The following SYNDIG1 variants were observed in gnomAD, a reference collection of about 807,000 sequenced individuals.
The protein encoded by SYNDIG1 is synapse differentiation inducing 1.
Under a neutral mutation model 19.4 loss-of-function variants are expected in SYNDIG1, and 9 were observed. That is an observed-to-expected ratio of 0.46 (90% CI 0.28 to 0.81). The LOEUF is 0.81. SYNDIG1 is among the 30% of genes least tolerant of loss of function. The pLI is 0.12. For missense variants in SYNDIG1, 311 were observed against 343.3 expected (o/e 0.91, Z 0.74); for synonymous variants, 141 against 145.9 (o/e 0.97, Z 0.24).
At chr20:24,663,287 G>T (rs772183778) in intron 3 of SYNDIG1, among the ~76,000 whole-genome samples, 4 of 152,142 alleles carry the variant, frequency 2.6e-5, no homozygotes, top group Non-Finnish European at 5.9e-5. Flanking sequence ...TAGGTTTCTT[G>T]TTAGAGCCAA....
intron 1 of SYNDIG1, among the ~76,000 whole-genome samples, chr20:24,486,576 G>A (rs983221350): frequency 1.3e-5 from 2 of 152,128 alleles, no homozygotes; most frequent in Admixed American, 6.5e-5. Flanking sequence ...GCAGGCATGC[G>A]AGCTCTGGTC....
chr20:24,498,690 G>A (rs1343344651), intron 1 of SYNDIG1, among the ~76,000 whole-genome samples: 1 of 152,176 alleles, frequency 6.6e-6, no homozygotes, highest in Non-Finnish European at 1.5e-5. Context: ...CTTGTGTGTA[G>A]CTGTGTTCAC....
rs974613504 is a variant in SYNDIG1, at chr20:24,480,991, G to C, written c.-79+11238G>C. ...TGGGGAAGAGGAGATGGGAGTTATT[G>C]TTTAAAGGGTATAGAGTTGCATACG... On this transcript the variant is annotated intron_variant, in intron 1 of 3. Coordinates refer to ENST00000376862, the MANE Select transcript of SYNDIG1 (RefSeq NM_024893.3). 2.0e-5 allele frequency among the ~76,000 whole-genome samples: 3 copies of C among 152,160 alleles called. No individual in the cohort carries two copies. The East Asian group carries it at 5.8e-4, about 29-fold the overall frequency.
chr20:24,576,456 C>A lies in SYNDIG1; in HGVS notation c.481-8400C>A, dbSNP rs1426876172. ...GCGTTTCTGCTGTACCTGCTTTGGG[C>A]TGTTGCGATGTGTGATGGAAGACAG... On this transcript the variant is annotated intron_variant, in intron 2 of 3. Coordinates refer to ENST00000376862, the MANE Select transcript of SYNDIG1 (RefSeq NM_024893.3). Among the ~76,000 whole-genome samples the A allele has an allele frequency of 2.0e-5, 3 of 152,164 alleles. No homozygotes were observed. In the South Asian group the frequency reaches 6.2e-4, roughly 31 times the overall value.
intron 3 of SYNDIG1, among the ~76,000 whole-genome samples, chr20:24,627,626 C>T (rs2059170715): frequency 6.6e-6 from 1 of 152,276 alleles, no homozygotes; most frequent in Admixed American, 6.5e-5. Flanking sequence ...TGAAGCCTTC[C>T]CCGGTTCCCG....
intron 1 of SYNDIG1, among the ~76,000 whole-genome samples, chr20:24,477,676 G>T (rs1229260908): frequency 6.6e-6 from 1 of 152,206 alleles, no homozygotes; most frequent in Non-Finnish European, 1.5e-5. Context: ...AGGGGATGGG[G>T]TATACAGCAC....
At chr20:24,657,087 G>C (rs978860267) in intron 3 of SYNDIG1, among the ~76,000 whole-genome samples, 2 of 152,216 alleles carry the variant, frequency 1.3e-5, no homozygotes, top group African/African-American at 4.8e-5. Context: ...AAGCCGAGTA[G>C]ATGCTGGCGC....
chr20:24,578,715 C>T (rs1353784401), intron 2 of SYNDIG1, among the ~76,000 whole-genome samples: 1 of 152,198 alleles, frequency 6.6e-6, no homozygotes, highest in Non-Finnish European at 1.5e-5. Context: ...AGGCAGGGCA[C>T]ACACGCATGT....
At chr20:24,659,389 C>T (rs188946133) in intron 3 of SYNDIG1, among the ~76,000 whole-genome samples, 4 of 152,322 alleles carry the variant, frequency 2.6e-5, no homozygotes, top group East Asian at 3.9e-4. Context: ...TCCTCATCAT[C>T]GTGTGGTCAT....
At chr20:24,555,564 G>C (rs1010865186) in intron 2 of SYNDIG1, among the ~76,000 whole-genome samples, 25 of 152,012 alleles carry the variant, frequency 1.6e-4, no homozygotes, top group South Asian at 6.2e-4. Flanking sequence ...CATTATGTAC[G>C]CAGTAGTCAT....
intron 3 of SYNDIG1, among the ~76,000 whole-genome samples, chr20:24,654,007 G>A (rs536346316): frequency 7.2e-5 from 11 of 152,298 alleles, no homozygotes; most frequent in Admixed American, 3.3e-4. Flanking sequence ...GGATTTCACC[G>A]TATAATTTTG....
intron 3 of SYNDIG1, among the ~76,000 whole-genome samples, chr20:24,663,483 C>T (rs1003092791): frequency 6.6e-6 from 1 of 152,194 alleles, no homozygotes; most frequent in Non-Finnish European, 1.5e-5. Context: ...TCCTCAACAC[C>T]ACCAGAGAGA....
intron 1 of SYNDIG1, among the ~76,000 whole-genome samples, chr20:24,524,383 C>T (rs998988765): frequency 3.9e-5 from 6 of 152,186 alleles, no homozygotes; most frequent in African/African-American, 9.7e-5. Flanking sequence ...GGGTGGCTCA[C>T]GCCAGTAATC....
rs963837175 is a variant in SYNDIG1, at chr20:24,490,613, G to T, written c.-79+20860G>T. Among the ~76,000 whole-genome samples, 22 of 152,326 alleles carry T rather than the reference G, an allele frequency of 1.4e-4. 1 individual carries two copies. The highest frequency in any genetic ancestry group is 5.3e-4 in the African/African-American group (22 of 41,574). On this transcript the variant is annotated intron_variant, in intron 1 of 3. Coordinates refer to ENST00000376862, the MANE Select transcript of SYNDIG1 (RefSeq NM_024893.3). ...GCGAGCACGCCAGTTACCCCTCCAT[G>T]GTGTCGTCGGGGCAATTACCTGGAT...
At chr20:24,507,108 C>G (rs953849741) in intron 1 of SYNDIG1, among the ~76,000 whole-genome samples, 5 of 152,186 alleles carry the variant, frequency 3.3e-5, no homozygotes, top group African/African-American at 1.2e-4. Context: ...CCAACACACA[C>G]TTCGTCATCA....
At chr20:24,653,330 G>T (rs2059492059) in intron 3 of SYNDIG1, among the ~76,000 whole-genome samples, 1 of 152,178 alleles carries the variant, frequency 6.6e-6, no homozygotes, top group Admixed American at 6.5e-5. Flanking sequence ...CCACCGTGAG[G>T]AGGCAGGGCT....
chr20:24,603,219 C>T (rs1191218334), intron 3 of SYNDIG1, among the ~76,000 whole-genome samples: 1 of 152,028 alleles, frequency 6.6e-6, no homozygotes, highest in African/African-American at 2.4e-5. Context: ...TTTATAAATG[C>T]AGCATTACCA....
intron 2 of SYNDIG1, 42 bp downstream of exon 2, chr20:24,543,619 A>G (rs771704738): frequency 6.3e-7 from 1 of 1,577,782 alleles, no homozygotes; most frequent in African/African-American, 1.3e-5. Context: ...AGAATGTGTG[A>G]TGGGGATTCT....
intron 3 of SYNDIG1, among the ~76,000 whole-genome samples, chr20:24,597,534 T>C (rs2147105172): frequency 6.6e-6 from 1 of 152,294 alleles, no homozygotes; most frequent in Non-Finnish European, 1.5e-5. Context: ...TTCTGGTCAC[T>C]GTGTTTCCTG....
Sources: allele counts gnomAD v4.1 joint callset (sites outside exome capture counted in the v4.1 genomes callset), GRCh38; gene constraint gnomAD v4.1.1; transcripts MANE v1.5; gene names NCBI Gene and HGNC (gene_info 2026-07-23, HGNC 2026-07-21).